Variants in ATP6V1A observed in about 807,000 individuals in gnomAD.
ATP6V1A encodes ATPase H+ transporting V1 subunit A, also known as V-type proton ATPase catalytic subunit A.
In ATP6V1A, 18 loss-of-function variants were observed where a neutral mutation model predicts 70.1. That is an observed-to-expected ratio of 0.26 (90% CI 0.18 to 0.38). The LOEUF is 0.38. ATP6V1A is among the 10% of genes least tolerant of loss of function. ATP6V1A has a pLI of 1.00. For synonymous variants in ATP6V1A, 232 were observed against 253.8 expected (o/e 0.91, Z 0.82); for missense variants, 424 against 772.4 (o/e 0.55, Z 5.35).
chr3:113,791,040 A>T (rs1411127825), intron 8 of ATP6V1A, among the ~76,000 whole-genome samples: 1 of 152,128 alleles, frequency 6.6e-6, no homozygotes, highest in East Asian at 1.9e-4. Context: ...TGATAGTTTC[A>T]TTAAATTTTT....
Position 113,780,886 on chromosome 3 carries a change from A to G in ATP6V1A, c.83-164A>G, listed in dbSNP as rs2305545. 437,452 of 1,278,866 alleles carry G rather than the reference A, an allele frequency of 0.34. 77,260 individuals are homozygous for G. Among genetic ancestry groups the G allele is most frequent in the East Asian group, 0.39 (13,605 of 34,518 alleles). The allele number at this position is 1,278,866 out of a possible 1,614,324, so 79.2% of individuals were successfully genotyped here. On this transcript the variant is annotated intron_variant, in intron 2 of 14. Coordinates refer to ENST00000273398, the MANE Select transcript of ATP6V1A (RefSeq NM_001690.4). ...CTCTTTATATTATACACTAAAATAT[A>G]TATCTATGTGAAACTACCAGTATGT... is the stretch of plus-strand genomic sequence containing the variant.
intron 8 of ATP6V1A, among the ~76,000 whole-genome samples, chr3:113,793,122 C>T (rs556437471): frequency 1.3e-5 from 2 of 152,080 alleles, no homozygotes; most frequent in East Asian, 1.9e-4. Flanking sequence ...TGCAGTGGTG[C>T]GATCTTGGCT....
intron 13 of ATP6V1A, 67 bp from the exon 14 acceptor site, chr3:113,805,287 T>A: frequency 6.8e-7 from 1 of 1,465,678 alleles, no homozygotes; most frequent in Non-Finnish European, 9.4e-7. Context: ...TCTAGTAGTT[T>A]TATATAAAGT....
chr3:113,784,468 G>A (rs753639954), intron 4 of ATP6V1A, 30 bp downstream of exon 4: 1 of 1,549,258 alleles, frequency 6.5e-7, no homozygotes, highest in South Asian at 1.1e-5. Flanking sequence ...AATTTCTGAA[G>A]TTATTGAAAG....
rs773821991 is a variant in ATP6V1A at position 113,790,302 on chromosome 3, C to CAA, written c.988+486_988+487dup. ...TGAGCGACAGAGCAAGACTCTGTCT[C>CAA]AAAAAAAAAAAAAAAAAAAAAAAAA... On this transcript the variant is annotated intron_variant, in intron 8 of 14. Coordinates refer to ENST00000273398, the MANE Select transcript of ATP6V1A (RefSeq NM_001690.4). 1.0e-3 allele frequency among the ~76,000 whole-genome samples: 25 copies of CAA among 24,454 alleles called. 1 individual carries two copies. Among genetic ancestry groups the CAA allele is most frequent in the South Asian group, 2.9e-3 (2 of 700 alleles). The allele number at this position is 24,454 out of a possible 152,430, so 16.0% of individuals were successfully genotyped here. A position where few individuals can be genotyped will look rare whatever the true frequency, so the allele number is the denominator to read the frequency against.
intron 12 of ATP6V1A, among the ~76,000 whole-genome samples, chr3:113,799,959 TG>T (rs1253165225): frequency 6.6e-6 from 1 of 152,100 alleles, no homozygotes; most frequent in Non-Finnish European, 1.5e-5. Context: ...CAGCCAGGCG[TG>T]GTGGCTCACA....
Position 113,747,057 on chromosome 3 carries a change from T to C in ATP6V1A, c.-70T>C, listed in dbSNP as rs1226565195. On this transcript the variant is annotated 5_prime_UTR_variant, in exon 1 of 15. Transcript: ENST00000273398. ...TGTGCAGCTGAGGACTTCCCCTCCG[T>C]GGTGACAGCCTCTGGGTCCTCGGTC... 1 of 109,372 alleles carries C rather than the reference T, an allele frequency of 9.1e-6. No homozygotes were observed. Among genetic ancestry groups the C allele is most frequent in the African/African-American group, 3.5e-5 (1 of 28,844 alleles). 6.8% of individuals were successfully genotyped at this position (109,372 alleles called of 1,614,324 possible).
At chr3:113,809,091 A>T (rs1204083589) in intron 14 of ATP6V1A, among the ~76,000 whole-genome samples, 2 of 134,592 alleles carry the variant, frequency 1.5e-5, no homozygotes, top group Admixed American at 1.4e-4. Context: ...TCTACTAAAA[A>T]TATGAAAAAA....
chr3:113,778,545 C>T (rs1708942394), intron 1 of ATP6V1A, among the ~76,000 whole-genome samples, 196 bp from the exon 2 acceptor site: 1 of 152,110 alleles, frequency 6.6e-6, no homozygotes, highest in African/African-American at 2.4e-5. Flanking sequence ...CACACTCCAG[C>T]CTGGGTGACA....
At position 113,805,473 on chromosome 3, in the gene ATP6V1A, T is replaced by C. The variant is rs1709265419; in HGVS notation, c.1709T>C (p.Ile570Thr). ...QSDNKITWSI[I>T]REHMGDILYK... is the part of the protein sequence containing the mutation. Reference sequence around the variant, plus strand: ...GACAATAAAATCACATGGTCCATTATTCGTGAGCACATGGGAGACATCCTC... The same window carrying C: ...GACAATAAAATCACATGGTCCATTACTCGTGAGCACATGGGAGACATCCTC... The change falls in exon 14 of 15, where the codon ATT becomes ACT. Residue 570 changes from isoleucine (I) to threonine (T), a missense_variant. By Grantham distance (89) the Ile-to-Thr change is moderately conservative. This residue lies in a region of ATP6V1A where 127 missense variants were observed against 207.9 expected (regional missense o/e 0.61). Coordinates refer to ENST00000273398, the MANE Select transcript of ATP6V1A (RefSeq NM_001690.4). The C allele has an allele frequency of 1.2e-6, 2 of 1,613,934 alleles. No homozygotes were observed. Among genetic ancestry groups the C allele is most frequent in the Admixed American group, 1.7e-5 (1 of 60,006 alleles).
intron 1 of ATP6V1A, among the ~76,000 whole-genome samples, chr3:113,755,358 C>G (rs1302849802): frequency 6.8e-6 from 1 of 146,278 alleles, no homozygotes; most frequent in East Asian, 2.0e-4. Context: ...AATCCCAGCA[C>G]TTTGGGAGGC....
At chr3:113,765,452 A>C (rs1012869028) in intron 1 of ATP6V1A, among the ~76,000 whole-genome samples, 1 of 152,026 alleles carries the variant, frequency 6.6e-6, no homozygotes, top group East Asian at 1.9e-4. Context: ...TAAAAATACA[A>C]AATTAGCCAG....
chr3:113,796,049 T>C, intron 11 of ATP6V1A, 110 bp downstream of exon 11: 1 of 942,046 alleles, frequency 1.1e-6, no homozygotes, highest in South Asian at 1.8e-5. Flanking sequence ...ATTTAGTCTC[T>C]AAAGGATAGG....
chr3:113,764,607 T>C (rs1708746624), intron 1 of ATP6V1A, among the ~76,000 whole-genome samples: 1 of 152,222 alleles, frequency 6.6e-6, no homozygotes, highest in South Asian at 2.1e-4. Context: ...GCTGTCTTCT[T>C]GGCTGTTTGC....
chr3:113,768,423 A>G lies in ATP6V1A; in HGVS notation c.-13-10318A>G, dbSNP rs552179334. Among the ~76,000 whole-genome samples, 4 of 152,230 alleles carry G rather than the reference A, an allele frequency of 2.6e-5. No individual in the cohort carries two copies. The East Asian group carries it at 5.8e-4, about 22-fold the overall frequency. ...TTGTGTTGGTTAATTGAGTGTGCCA[A>G]TAAAGGCAACAAGGACTCAGATGTC... On this transcript the variant is annotated intron_variant, in intron 1 of 14. Coordinates refer to ENST00000273398, the MANE Select transcript of ATP6V1A (RefSeq NM_001690.4).
intron 1 of ATP6V1A, among the ~76,000 whole-genome samples, chr3:113,761,141 T>C (rs1708700730): frequency 6.6e-6 from 1 of 151,772 alleles, no homozygotes. Context: ...GGTCTCACTG[T>C]GTTGTCCAAG....
At chr3:113,747,399 T>G (rs1708535305) in intron 1 of ATP6V1A, 1 of 152,414 alleles carries the variant, frequency 6.6e-6, no homozygotes. Context: ...AGCAGATTGT[T>G]TCAGCCATTT....
chr3:113,781,913 CAT>C (rs2108027710), intron 3 of ATP6V1A, among the ~76,000 whole-genome samples: 1 of 152,250 alleles, frequency 6.6e-6, no homozygotes, highest in East Asian at 1.9e-4. Flanking sequence ...CACTGAGTGA[CAT>C]ATTACATTTC....
At chr3:113,797,915 A>G (rs2108040326) in intron 11 of ATP6V1A, among the ~76,000 whole-genome samples, 1 of 152,112 alleles carries the variant, frequency 6.6e-6, no homozygotes, top group East Asian at 1.9e-4. Context: ...CAGGGATCAC[A>G]TGAGGTCAGG....
Sources: allele counts gnomAD v4.1 joint callset (sites outside exome capture counted in the v4.1 genomes callset), GRCh38; gene constraint gnomAD v4.1.1; regional missense constraint gnomAD v4.1.1; transcripts MANE v1.5; gene names NCBI Gene and HGNC (gene_info 2026-07-23, HGNC 2026-07-21).